The following SAMD5 variants were observed in gnomAD, a reference collection of about 807,000 sequenced individuals.
The protein encoded by SAMD5 is sterile alpha motif domain containing 5.
SAMD5 carries 13 observed loss-of-function variants against 11.3 expected under a neutral mutation model. The ratio of observed to expected loss-of-function variants is 1.15; its 90% CI spans 0.75 to 1.83. SAMD5 has a LOEUF of 1.83. Ranked by LOEUF, SAMD5 falls within the 40% of genes most tolerant of loss-of-function variation. SAMD5 has a pLI of 0.00. For missense variants in SAMD5, 255 were observed against 239.1 expected, an observed-to-expected ratio of 1.07 and a Z score of -0.44; for synonymous variants, 129 against 111.3, an observed-to-expected ratio of 1.16 and a Z score of -1.00.
At chr6:147,838,845 G>T in the SAMD5 span, among the ~76,000 whole-genome samples, 5 of 152,120 alleles carry the variant, frequency 3.3e-5, no homozygotes, top group Non-Finnish European at 7.4e-5. Context: ...GGTAAGGGCC[G>T]TGTCACACTA....
At chr6:147,892,935 A>T in the SAMD5 span, among the ~76,000 whole-genome samples, 2 of 152,300 alleles carry the variant, frequency 1.3e-5, no homozygotes, top group East Asian at 3.9e-4. Flanking sequence ...AGTATGGGCC[A>T]GGTGTGGTGG....
intron 1 of SAMD5, among the ~76,000 whole-genome samples, chr6:147,602,746 AAAAC>A (rs1022847888): frequency 3.5e-5 from 5 of 144,756 alleles, no homozygotes; most frequent in African/African-American, 1.3e-4. Flanking sequence ...TCTGTCTCAA[AAAAC>A]AAACAAACAA....
At chr6:147,635,942 T>A (rs1234949875) in intron 1 of SAMD5, among the ~76,000 whole-genome samples, 2 of 152,208 alleles carry the variant, frequency 1.3e-5, no homozygotes, top group Non-Finnish European at 2.9e-5. Flanking sequence ...GGGTGGTTGT[T>A]ACACAGACTT....
the SAMD5 span, among the ~76,000 whole-genome samples, chr6:147,744,862 C>T: frequency 1.4e-5 from 2 of 144,806 alleles, no homozygotes; most frequent in African/African-American, 5.6e-5. Flanking sequence ...CACACCACTG[C>T]ACTCCAGCCT....
At chr6:147,674,781 T>C (rs868511838) in intron 1 of SAMD5, among the ~76,000 whole-genome samples, 9 of 152,116 alleles carry the variant, frequency 5.9e-5, no homozygotes, top group Non-Finnish European at 1.3e-4. Context: ...AAGATGTAAA[T>C]CCAAGAATCT....
At chr6:147,816,761 C>T in the SAMD5 span, among the ~76,000 whole-genome samples, 4 of 152,046 alleles carry the variant, frequency 2.6e-5, no homozygotes, top group African/African-American at 9.7e-5. Flanking sequence ...TTAGCCATCC[C>T]TAGAGGACCA....
At chr6:147,552,275 G>A (rs1788787335) in intron 1 of SAMD5, among the ~76,000 whole-genome samples, 1 of 152,218 alleles carries the variant, frequency 6.6e-6, no homozygotes, top group African/African-American at 2.4e-5. Flanking sequence ...ATGTTGGCCT[G>A]TTGCTTCTTG....
At chr6:147,909,597 T>TTTC in the SAMD5 span, among the ~76,000 whole-genome samples, 9 of 62,360 alleles carry the variant, frequency 1.4e-4, 1 homozygote, top group African/African-American at 7.0e-4. Flanking sequence ...TCTTTCTTTC[T>TTTC]TTCTTTCTTT....
At chr6:147,595,514 T>A (rs1386538385) in intron 1 of SAMD5, among the ~76,000 whole-genome samples, 1 of 146,048 alleles carries the variant, frequency 6.8e-6, no homozygotes, top group Non-Finnish European at 1.5e-5. Flanking sequence ...TAGTAGTGAC[T>A]AAACTACCTT....
intron 1 of SAMD5, among the ~76,000 whole-genome samples, chr6:147,513,912 T>G (rs1340944724): frequency 6.6e-6 from 1 of 152,078 alleles, no homozygotes; most frequent in Non-Finnish European, 1.5e-5. Flanking sequence ...CCACAGCAGA[T>G]TTGGATGATG....
At chr6:147,634,160 A>G (rs1205832617) in intron 1 of SAMD5, among the ~76,000 whole-genome samples, 2 of 152,194 alleles carry the variant, frequency 1.3e-5, no homozygotes, top group Non-Finnish European at 2.9e-5. Flanking sequence ...CACATAGCTA[A>G]AAAGAACTAC....
the SAMD5 span, among the ~76,000 whole-genome samples, chr6:147,911,052 T>C: frequency 6.6e-6 from 1 of 152,352 alleles, no homozygotes; most frequent in East Asian, 1.9e-4. Flanking sequence ...ATATTATTCG[T>C]CCTTGACTTA....
intron 1 of SAMD5, among the ~76,000 whole-genome samples, chr6:147,607,550 G>T (rs1237309069): frequency 6.6e-6 from 1 of 152,062 alleles, no homozygotes; most frequent in African/African-American, 2.4e-5. Context: ...ACCCATTTTT[G>T]ATAAAGGTGC....
the SAMD5 span, among the ~76,000 whole-genome samples, chr6:147,853,722 T>A: frequency 6.6e-6 from 1 of 152,174 alleles, no homozygotes; most frequent in Non-Finnish European, 1.5e-5. Context: ...GTTGGATATG[T>A]TTCTTAATGA....
At chr6:147,731,326 T>C (rs1458422959) in intron 1 of SAMD5, among the ~76,000 whole-genome samples, 2 of 152,108 alleles carry the variant, frequency 1.3e-5, no homozygotes, top group African/African-American at 2.4e-5. Context: ...GGCTGAAACA[T>C]AGGTCAGTCA....
At chr6:147,889,181 C>T in the SAMD5 span, among the ~76,000 whole-genome samples, 1 of 152,142 alleles carries the variant, frequency 6.6e-6, no homozygotes, top group African/African-American at 2.4e-5. Flanking sequence ...CAGTTATTTT[C>T]ACTCTTTGTT....
At chr6:147,802,004 T>G in the SAMD5 span, among the ~76,000 whole-genome samples, 2 of 152,172 alleles carry the variant, frequency 1.3e-5, no homozygotes, top group Non-Finnish European at 2.9e-5. Flanking sequence ...CCTTGGGACA[T>G]GCAGAGATTT....
the SAMD5 span, among the ~76,000 whole-genome samples, chr6:147,928,141 G>A: frequency 5.0e-4 from 76 of 152,226 alleles, no homozygotes; most frequent in African/African-American, 1.7e-3. Context: ...TTTTGGTTGT[G>A]TCTCTGCCAG....
intron 1 of SAMD5, among the ~76,000 whole-genome samples, chr6:147,721,651 C>T (rs1791554205): frequency 6.6e-6 from 1 of 151,962 alleles, no homozygotes; most frequent in Admixed American, 6.6e-5. Context: ...TTGTAGGTTG[C>T]CTGTTTACTC....
Sources: gnomAD v4.1 joint callset for allele counts (sites outside exome capture counted in the v4.1 genomes callset) on GRCh38, gnomAD v4.1.1 for gene constraint, MANE v1.5 for transcripts, NCBI Gene and HGNC (gene_info 2026-07-23, HGNC 2026-07-21) for gene names.